Variants in BACH1 observed in about 807,000 individuals in gnomAD.
BACH1 encodes BTB domain and CNC homolog 1.
In BACH1, 35 loss-of-function variants were observed where a neutral mutation model predicts 52.9. The observed-to-expected ratio is 0.66, with a 90% confidence interval of 0.51 to 0.88. The LOEUF is 0.88. BACH1 is among the 40% of genes least tolerant of loss of function. The pLI, the probability that BACH1 is intolerant of heterozygous loss-of-function variation, is 0.00. For synonymous variants in BACH1, 321 were observed against 319.6 expected, an observed-to-expected ratio of 1.00 and a Z score of -0.05; for missense variants, 808 against 872.6, an observed-to-expected ratio of 0.93 and a Z score of 0.93.
intron 2 of BACH1, among the ~76,000 whole-genome samples, chr21:29,322,578 G>C (rs2088861214): frequency 6.6e-6 from 1 of 152,198 alleles, no homozygotes; most frequent in Non-Finnish European, 1.5e-5. Flanking sequence ...AGAGTATCAA[G>C]GCTGTGGCAT....
At chr21:29,333,194 A>C (rs2089005283) in intron 4 of BACH1, among the ~76,000 whole-genome samples, 1 of 152,250 alleles carries the variant, frequency 6.6e-6, no homozygotes. Context: ...TAGAAGGAAA[A>C]GAATTTGACG....
intron 2 of BACH1, among the ~76,000 whole-genome samples, chr21:29,353,317 G>A (rs1375128606): frequency 6.6e-6 from 1 of 152,216 alleles, no homozygotes; most frequent in African/African-American, 2.4e-5. Context: ...AGAATCAAAT[G>A]AAACAATGTA....
chr21:29,313,014 A>AACCACAGTGAGAT (rs1201333096), intron 1 of BACH1, among the ~76,000 whole-genome samples: 25 of 152,316 alleles, frequency 1.6e-4, no homozygotes, highest in Non-Finnish European at 2.2e-4. Flanking sequence ...TGCAAAGTAA[A>AACCACAGTGAGAT]ACCACAGTGA....
At chr21:29,346,687 A>T (rs2089170645), downstream of BACH1, among the ~76,000 whole-genome samples, 1 of 152,216 alleles carries the variant, frequency 6.6e-6, no homozygotes, top group African/African-American at 2.4e-5. Flanking sequence ...CACCCAGGGT[A>T]TCGATCTGGC....
chr21:29,358,168 T>C (rs2089246381), intron 2 of BACH1, among the ~76,000 whole-genome samples: 1 of 152,220 alleles, frequency 6.6e-6, no homozygotes, highest in African/African-American at 2.4e-5. Context: ...ACATTTGATG[T>C]TAGCAATTCA....
chr21:29,312,350 C>A (rs142469986), intron 1 of BACH1, among the ~76,000 whole-genome samples: 11 of 152,036 alleles, frequency 7.2e-5, no homozygotes, highest in African/African-American at 2.7e-4. Flanking sequence ...TATTTAGTGG[C>A]GAAATACTTA....
At chr21:29,305,428 A>G (rs894905289) in intron 1 of BACH1, 1 of 152,012 alleles carries the variant, frequency 6.6e-6, no homozygotes, top group African/African-American at 2.4e-5. Flanking sequence ...TAAAAAGTAT[A>G]TTTTGTCTCT....
At position 29,344,180 on chromosome 21, in the gene BACH1, A is replaced by C. The variant is rs1019494366; in HGVS notation, c.*1347A>C. The C allele has an allele frequency of 6.6e-6, 1 of 152,392 alleles. No individual in the cohort carries two copies. Among genetic ancestry groups the C allele is most frequent in the South Asian group, 2.1e-4 (1 of 4,830 alleles). 9.4% of individuals were successfully genotyped at this position (152,392 alleles called of 1,614,324 possible). On this transcript the variant is annotated 3_prime_UTR_variant, in exon 5 of 5. Coordinates refer to ENST00000286800, the MANE Select transcript of BACH1 (RefSeq NM_001186.4). Reference sequence around the variant, plus strand: ...TCTTCTCAGCAATTAAAAAAAATGCATATATTCACATTCACAGAAACATTG... The same window carrying C: ...TCTTCTCAGCAATTAAAAAAAATGCCTATATTCACATTCACAGAAACATTG...
chr21:29,326,191 T>C lies in BACH1; in HGVS notation c.367T>C (p.Phe123Leu). Residue 123 changes from phenylalanine (F) to leucine (L), a missense_variant, in exon 3 of 5, where the codon TTT becomes CTT. Phe to Leu is a conservative substitution (Grantham distance 22, BLOSUM62 0). Coordinates refer to ENST00000286800, the MANE Select transcript of BACH1 (RefSeq NM_001186.4). ...TGTACATAATATTGAGGAATCCTGC[T>C]TTCAGTTTCTGAAATTTAAGTTTTT... ...LSVHNIEESC[F>L]QFLKFKFLDS... 1 of 1,614,248 alleles carries C rather than the reference T, an allele frequency of 6.2e-7. No homozygotes were observed. The highest frequency in any genetic ancestry group is 8.5e-7 in the Non-Finnish European group (1 of 1,180,042).
chr21:29,321,515 G>A lies in BACH1; in HGVS notation c.234+1G>A, dbSNP rs775786564. ...GCTGAACATTACTCTTCCAGAAGAG[G>A]TGAGAGATCCATGTTTTTGGCAATT... On this transcript the variant is annotated splice_donor_variant, in intron 2 of 4. Transcript: ENST00000286800. LOFTEE classifies it high-confidence loss of function. 9 of 1,609,824 alleles carry A rather than the reference G, an allele frequency of 5.6e-6. No individual in the cohort carries two copies. The highest frequency in any genetic ancestry group is 6.8e-6 in the Non-Finnish European group (8 of 1,176,552).
At chr21:29,325,511 T>G (rs937597364) in intron 2 of BACH1, among the ~76,000 whole-genome samples, 5 of 152,246 alleles carry the variant, frequency 3.3e-5, no homozygotes, top group Non-Finnish European at 7.3e-5. Context: ...TCTTTAAAAC[T>G]TTTACTGTTA....
chr21:29,324,049 C>T lies in BACH1; in HGVS notation c.235-2010C>T, dbSNP rs1387682594. On this transcript the variant is annotated intron_variant, in intron 2 of 4. Transcript: ENST00000286800. ...GGCAGATCACCTGAGGTCAGGAGTT[C>T]GAGACCAGCCTGGCCAACATGGTGA... 4.6e-5 allele frequency among the ~76,000 whole-genome samples: 7 copies of T among 151,888 alleles called. No homozygotes were observed. In the East Asian group the frequency reaches 9.7e-4, roughly 21 times the overall value.
rs571252066 is a variant in BACH1, at chr21:29,324,651, C to T, written c.235-1408C>T. Among the ~76,000 whole-genome samples, 10 of 151,652 alleles carry T rather than the reference C, an allele frequency of 6.6e-5. No homozygotes were observed. The South Asian group carries it at 2.1e-3, about 32-fold the overall frequency. ...CAGGCTAATTCTGGTTTTTGGCTAT[C>T]ACAAATAAAATTGCTGTAAACATTT... is the stretch of plus-strand genomic sequence containing the variant. On this transcript the variant is annotated intron_variant, in intron 2 of 4. Coordinates refer to ENST00000286800, the MANE Select transcript of BACH1 (RefSeq NM_001186.4).
At position 29,343,495 on chromosome 21, in the gene BACH1, G is replaced by A. The variant is rs745719284; in HGVS notation, c.*662G>A. On this transcript the variant is annotated 3_prime_UTR_variant, in exon 5 of 5. Transcript: ENST00000286800. The stretch of plus-strand genomic sequence containing the variant: ...CTTCTCCTCTTCAGTATGGACTCTA[G>A]AAAGTCTGGCTACATGAATAGATTT... 2 of 152,244 alleles carry A rather than the reference G, an allele frequency of 1.3e-5. No homozygotes were observed. Among genetic ancestry groups the A allele is most frequent in the Non-Finnish European group, 2.9e-5 (2 of 68,092 alleles). 9.4% of individuals were successfully genotyped at this position (152,244 alleles called of 1,614,324 possible). A position where few individuals can be genotyped will look rare whatever the true frequency, so the allele number is the denominator to read the frequency against.
At chr21:29,308,194 C>T (rs76682928) in intron 1 of BACH1, among the ~76,000 whole-genome samples, 598 of 152,286 alleles carry the variant, frequency 3.9e-3, no homozygotes, top group Non-Finnish European at 7.2e-3. Context: ...ACTGAGATCA[C>T]TGGTGCAAAT....
chr21:29,308,441 G>A (rs758261391), intron 1 of BACH1, among the ~76,000 whole-genome samples: 3 of 152,018 alleles, frequency 2.0e-5, no homozygotes, highest in Non-Finnish European at 4.4e-5. Context: ...TTGCCCTACG[G>A]TAACTTCTGT....
chr21:29,324,547 G>A (rs2123442745), intron 2 of BACH1, among the ~76,000 whole-genome samples: 1 of 148,028 alleles, frequency 6.8e-6, no homozygotes, highest in African/African-American at 2.5e-5. Flanking sequence ...TCTGTAGTAT[G>A]GATGTACCTT....
chr21:29,329,772 G>T lies in BACH1; in HGVS notation c.1776+79G>T, dbSNP rs531689302. 2.3e-4 allele frequency: 256 copies of T among 1,119,644 alleles called. No homozygotes were observed. In the African/African-American group the frequency reaches 3.8e-3, roughly 16 times the overall value. 69.4% of individuals were successfully genotyped at this position (1,119,644 alleles called of 1,614,324 possible). ...CAAGGAAATAGTTTTTAAATTTCTA[G>T]GTCAGATATAATGCTCAATTACTTA... On this transcript the variant is annotated intron_variant, in intron 4 of 4. Transcript: ENST00000286800.
At chr21:29,350,020 G>C (rs949526737), downstream of BACH1, among the ~76,000 whole-genome samples, 3 of 152,048 alleles carry the variant, frequency 2.0e-5, no homozygotes, top group Non-Finnish European at 2.9e-5. Flanking sequence ...AGACCAGTTA[G>C]GGCTCCACAG....
Sources: gnomAD v4.1 joint callset for allele counts (sites outside exome capture counted in the v4.1 genomes callset) on GRCh38, gnomAD v4.1.1 for gene constraint, MANE v1.5 for transcripts, NCBI Gene and HGNC (gene_info 2026-07-23, HGNC 2026-07-21) for gene names.